Variants in ZFYVE9 observed in about 807,000 individuals in gnomAD.
ZFYVE9 encodes zinc finger FYVE domain-containing protein 9.
ZFYVE9 carries 43 observed loss-of-function variants against 126.7 expected under a neutral mutation model. The observed-to-expected ratio is 0.34, with a 90% CI of 0.27 to 0.44. The LOEUF (loss-of-function observed/expected upper bound fraction) is 0.44. ZFYVE9 is among the 20% of genes least tolerant of loss of function. The pLI is 1.00. For synonymous variants in ZFYVE9, 521 were observed against 597.4 expected (o/e 0.87, Z 1.87); for missense variants, 1,476 against 1,697.0 (o/e 0.87, Z 2.29).
chr1:52,316,269 T>C (rs566321745), intron 13 of ZFYVE9, among the ~76,000 whole-genome samples: 8 of 150,466 alleles, frequency 5.3e-5, no homozygotes, highest in African/African-American at 2.0e-4. Flanking sequence ...GTGCATCACC[T>C]GAGGTCAGGC....
At chr1:52,261,071 C>T (rs893436971) in intron 4 of ZFYVE9, among the ~76,000 whole-genome samples, 2 of 152,074 alleles carry the variant, frequency 1.3e-5, no homozygotes, top group African/African-American at 4.8e-5. Flanking sequence ...AAACTCTTAC[C>T]CATCCTTCAG....
chr1:52,325,826 G>T (rs1005711470), intron 13 of ZFYVE9, among the ~76,000 whole-genome samples: 18 of 152,142 alleles, frequency 1.2e-4, no homozygotes, highest in Non-Finnish European at 1.6e-4. Flanking sequence ...AGTTCAAATC[G>T]AAAGGCTAGT....
Position 52,266,854 on chromosome 1 carries a change from C to T in ZFYVE9, c.2455+23C>T, listed in dbSNP as rs754803762. ...AAGGTAGGGGATCATGTGCTATTCT[C>T]TCTCTTTTTCCTCACGAAGTTCCTC... is the stretch of plus-strand genomic sequence containing the variant. On this transcript the variant is annotated intron_variant, in intron 6 of 18. Coordinates refer to ENST00000287727, the MANE Select transcript of ZFYVE9 (RefSeq NM_004799.4). The T allele has an allele frequency of 2.0e-6, 3 of 1,537,124 alleles. No homozygotes were observed. The East Asian group carries it at 7.2e-5, about 37-fold the overall frequency.
At chr1:52,331,025 C>G (rs1646336325) in intron 13 of ZFYVE9, among the ~76,000 whole-genome samples, 1 of 152,074 alleles carries the variant, frequency 6.6e-6, no homozygotes, top group East Asian at 1.9e-4. Context: ...CGCCACCACA[C>G]CCAGCTCATT....
At chr1:52,236,741 T>A (rs940180712) in intron 3 of ZFYVE9, among the ~76,000 whole-genome samples, 1 of 152,206 alleles carries the variant, frequency 6.6e-6, no homozygotes, top group African/African-American at 2.4e-5. Flanking sequence ...ACCTGATTAA[T>A]AATGTATTGT....
intron 17 of ZFYVE9, among the ~76,000 whole-genome samples, chr1:52,344,116 C>T (rs561459822): frequency 4.2e-4 from 64 of 151,688 alleles, no homozygotes; most frequent in Non-Finnish European, 8.4e-4. Flanking sequence ...AGTCCTCTAA[C>T]GGACTTGCTC....
At chr1:52,333,343 A>G (rs951254733) in intron 14 of ZFYVE9, among the ~76,000 whole-genome samples, 1 of 151,968 alleles carries the variant, frequency 6.6e-6, no homozygotes, top group African/African-American at 2.4e-5. Flanking sequence ...CAGCTCTGGC[A>G]TTTGAAGGCA....
intron 11 of ZFYVE9, 65 bp from the exon 12 acceptor site, chr1:52,295,830 T>C (rs1383393812): frequency 7.4e-7 from 1 of 1,359,298 alleles, no homozygotes; most frequent in African/African-American, 1.5e-5. Flanking sequence ...GTATTAGTCA[T>C]GAAATCTCTT....
rs190891878 is a variant in ZFYVE9, at chr1:52,172,444, A to G, written c.-143+30041A>G. Among the ~76,000 whole-genome samples the G allele has an allele frequency of 9.3e-3, 1,409 of 152,286 alleles. 31 individuals carry two copies. Among genetic ancestry groups the G allele is most frequent in the African/African-American group, 0.032 (1,340 of 41,542 alleles). On this transcript the variant is annotated intron_variant, in intron 1 of 18. Coordinates refer to ENST00000287727, the MANE Select transcript of ZFYVE9 (RefSeq NM_004799.4). Reference sequence around the variant, plus strand: ...TGAAGTCAGGTAGCATGATGCCTCCAGCTTTGTTCTTTTGGCTTAGGATTG... The same window carrying G: ...TGAAGTCAGGTAGCATGATGCCTCCGGCTTTGTTCTTTTGGCTTAGGATTG...
chr1:52,172,295 A>G (rs1189383571), intron 1 of ZFYVE9, among the ~76,000 whole-genome samples: 1 of 152,198 alleles, frequency 6.6e-6, no homozygotes, highest in Non-Finnish European at 1.5e-5. Flanking sequence ...AGATTTGTCA[A>G]AGATCAGATA....
chr1:52,270,357 G>C (rs1229192694), intron 7 of ZFYVE9, among the ~76,000 whole-genome samples: 1 of 152,050 alleles, frequency 6.6e-6, no homozygotes, highest in Non-Finnish European at 1.5e-5. Flanking sequence ...TCCGCCTCCC[G>C]GGTTCACGCC....
chr1:52,192,048 A>G (rs1572089198), intron 1 of ZFYVE9, among the ~76,000 whole-genome samples: 1 of 150,530 alleles, frequency 6.6e-6, no homozygotes, highest in East Asian at 1.9e-4. Flanking sequence ...TTTTTTCTAG[A>G]ACAAGCACCT....
intron 1 of ZFYVE9, among the ~76,000 whole-genome samples, chr1:52,157,876 G>A (rs1326084618): frequency 6.6e-6 from 1 of 152,132 alleles, no homozygotes; most frequent in Non-Finnish European, 1.5e-5. Context: ...CGCCACCACT[G>A]AACTTCTTAG....
Position 52,343,874 on chromosome 1 carries a change from C to G in ZFYVE9, c.3940-894C>G, listed in dbSNP as rs184795142. 1.0e-3 allele frequency among the ~76,000 whole-genome samples: 159 copies of G among 152,024 alleles called. 2 individuals are homozygous for G. The highest frequency in any genetic ancestry group is 3.6e-3 in the African/African-American group (149 of 41,446). ...ATCACCTGAGGTCAGGAGTTCAAGA[C>G]CAGCCTGGCCAACATGGTGAAACCC... is the stretch of plus-strand genomic sequence containing the variant. On this transcript the variant is annotated intron_variant, in intron 17 of 18. Transcript: ENST00000287727.
intron 1 of ZFYVE9, among the ~76,000 whole-genome samples, chr1:52,205,031 T>C (rs1644960231): frequency 6.6e-6 from 1 of 151,898 alleles, no homozygotes; most frequent in East Asian, 1.9e-4. Context: ...TTCACCTGTC[T>C]GTCCCTTCGA....
intron 4 of ZFYVE9, among the ~76,000 whole-genome samples, chr1:52,247,813 A>T (rs1645403334): frequency 6.6e-6 from 1 of 151,954 alleles, no homozygotes; most frequent in Admixed American, 6.6e-5. Flanking sequence ...ATCATCTCAA[A>T]CTTAATAACT....
At chr1:52,199,231 A>AT (rs1644900087) in intron 1 of ZFYVE9, among the ~76,000 whole-genome samples, 1 of 151,854 alleles carries the variant, frequency 6.6e-6, no homozygotes, top group Non-Finnish European at 1.5e-5. Flanking sequence ...CGCCCGGCTA[A>AT]TTTTTTGTAT....
chr1:52,153,430 G>C (rs183797775), intron 1 of ZFYVE9, among the ~76,000 whole-genome samples: 159 of 152,274 alleles, frequency 1.0e-3, no homozygotes, highest in Non-Finnish European at 1.8e-3. Flanking sequence ...GGTGTTGGTT[G>C]TTTACCTAGT....
rs117185220 is a variant in ZFYVE9, at chr1:52,333,216, C to T, written c.3589+298C>T. Among the ~76,000 whole-genome samples the T allele has an allele frequency of 3.9e-3, 594 of 150,922 alleles. 13 individuals are homozygous for T. In the South Asian group the frequency reaches 0.044, roughly 11 times the overall value. ...GAGTTGATGGGTGCAGCAAAACTAA[C>T]ATGGCATGTGTATACGTATGTAACA... On this transcript the variant is annotated intron_variant, in intron 14 of 18. Coordinates refer to ENST00000287727, the MANE Select transcript of ZFYVE9 (RefSeq NM_004799.4).
Sources: allele counts gnomAD v4.1 joint callset (sites outside exome capture counted in the v4.1 genomes callset), GRCh38; gene constraint gnomAD v4.1.1; transcripts MANE v1.5; gene names NCBI Gene and HGNC (gene_info 2026-07-23, HGNC 2026-07-21).